Variants in HCRTR2 observed in about 807,000 individuals in gnomAD.
HCRTR2 encodes the protein orexin receptor type 2.
HCRTR2 carries 22 observed loss-of-function variants against 49.0 expected under a neutral mutation model. That is an observed-to-expected ratio of 0.45 (90% CI 0.32 to 0.64). The LOEUF (loss-of-function observed/expected upper bound fraction) is 0.64. HCRTR2 is among the 30% of genes least tolerant of loss of function. The pLI is 0.04. For synonymous variants in HCRTR2, 236 were observed against 205.3 expected (o/e 1.15, Z -1.28); for missense variants, 491 against 559.4 (o/e 0.88, Z 1.23).
intron 1 of HCRTR2, among the ~76,000 whole-genome samples, chr6:55,191,533 A>C (rs1164946225): frequency 6.6e-6 from 1 of 152,200 alleles, no homozygotes; most frequent in Non-Finnish European, 1.5e-5. Flanking sequence ...GTGTTTCACT[A>C]TACAAAAACA....
At chr6:55,223,174 C>A (rs1765930933) in intron 1 of HCRTR2, among the ~76,000 whole-genome samples, 1 of 152,092 alleles carries the variant, frequency 6.6e-6, no homozygotes, top group African/African-American at 2.4e-5. Flanking sequence ...GCCAGTTAAT[C>A]TCCTAAAATT....
chr6:55,239,438 G>C (rs1294876129), intron 1 of HCRTR2, among the ~76,000 whole-genome samples: 1 of 152,156 alleles, frequency 6.6e-6, no homozygotes, highest in East Asian at 1.9e-4. Context: ...TTTGATTTCT[G>C]TAGAGATAAT....
intron 1 of HCRTR2, among the ~76,000 whole-genome samples, chr6:55,182,190 CTG>C (rs1484835064): frequency 1.3e-5 from 2 of 152,204 alleles, no homozygotes; most frequent in Non-Finnish European, 2.9e-5. Context: ...AAGGTGGACT[CTG>C]TGGTAATCAG....
chr6:55,230,690 CAT>C (rs1177088950), intron 1 of HCRTR2, among the ~76,000 whole-genome samples: 1 of 151,902 alleles, frequency 6.6e-6, no homozygotes, highest in Non-Finnish European at 1.5e-5. Flanking sequence ...TGGATAATCA[CAT>C]TTTAAAACAT....
intron 1 of HCRTR2, among the ~76,000 whole-genome samples, chr6:55,241,315 C>T (rs1437469817): frequency 6.6e-6 from 1 of 152,028 alleles, no homozygotes; most frequent in Non-Finnish European, 1.5e-5. Context: ...AATAAATATA[C>T]TCAGTTCTAC....
At chr6:55,126,390 G>T (rs894691703) in intron 1 of HCRTR2, among the ~76,000 whole-genome samples, 4 of 152,172 alleles carry the variant, frequency 2.6e-5, no homozygotes, top group African/African-American at 4.8e-5. Context: ...TTTGCTGGAG[G>T]TCCACTCCTG....
In HCRTR2 at chr6:55,282,344, A is replaced by C; in HGVS notation, c.1225A>C (p.Thr409Pro). The change falls in exon 7 of 7, where the codon ACT (threonine) becomes CCT (proline). Residue 409 changes from threonine (T) to proline (P), a missense_variant. Coordinates refer to ENST00000370862, the MANE Select transcript of HCRTR2 (RefSeq NM_001384272.1). Reference protein sequence around the residue: ...TSTESRKSLTTQISNFDNISK... With the variant: ...TSTESRKSLTPQISNFDNISK... ...CACAGAGAGCCGGAAGTCCTTGACC[A>C]CTCAAATCAGCAACTTTGATAACAT... 6.2e-7 allele frequency: 1 copy of C among 1,613,524 alleles called. No homozygotes were observed. Among genetic ancestry groups the C allele is most frequent in the Non-Finnish European group, 8.5e-7 (1 of 1,179,674 alleles).
At chr6:55,274,239 G>GTATATATATATATATATATATATATATA (rs61667408) in intron 4 of HCRTR2, among the ~76,000 whole-genome samples, 24 of 119,500 alleles carry the variant, frequency 2.0e-4, no homozygotes, top group African/African-American at 7.0e-4. Flanking sequence ...ATCATTTTCA[G>GTATATATATATATATATATATATATATA]TATATATATA....
At chr6:55,167,608 T>C (rs950040272) in intron 1 of HCRTR2, among the ~76,000 whole-genome samples, 5 of 152,136 alleles carry the variant, frequency 3.3e-5, no homozygotes, top group African/African-American at 1.2e-4. Context: ...AAACCCAAGA[T>C]TGTAGAAAAC....
intron 1 of HCRTR2, among the ~76,000 whole-genome samples, chr6:55,234,605 C>T (rs1766179760): frequency 6.6e-6 from 1 of 152,128 alleles, no homozygotes; most frequent in Non-Finnish European, 1.5e-5. Flanking sequence ...TAATGTTCAA[C>T]TCCATTTTCT....
At chr6:55,127,064 C>G (rs923376459) in intron 1 of HCRTR2, among the ~76,000 whole-genome samples, 1 of 152,118 alleles carries the variant, frequency 6.6e-6, no homozygotes, top group African/African-American at 2.4e-5. Flanking sequence ...GTACCCCTTC[C>G]AGTGGGAGTG....
chr6:55,281,911 A>G (rs750111754), intron 6 of HCRTR2, among the ~76,000 whole-genome samples: 55 of 152,284 alleles, frequency 3.6e-4, no homozygotes, highest in African/African-American at 1.2e-3. Context: ...ACTGATGATC[A>G]CTTCCATTAT....
At chr6:55,147,302 A>G (rs986801745) in intron 1 of HCRTR2, among the ~76,000 whole-genome samples, 19 of 152,300 alleles carry the variant, frequency 1.2e-4, no homozygotes, top group African/African-American at 4.3e-4. Context: ...AAAAATAAAT[A>G]CTATGTTGTT....
intron 1 of HCRTR2, among the ~76,000 whole-genome samples, chr6:55,181,985 A>G (rs1221508854): frequency 1.3e-5 from 2 of 152,256 alleles, no homozygotes; most frequent in Non-Finnish European, 2.9e-5. Context: ...TTCAGTAGAC[A>G]GAAATCCATG....
intron 1 of HCRTR2, among the ~76,000 whole-genome samples, chr6:55,209,558 G>A (rs3134705): frequency 0.48 from 72,900 of 151,858 alleles, 18,439 homozygotes; most frequent in African/African-American, 0.64. Context: ...AGAGACTCGT[G>A]GGAGGCAGGG....
intron 1 of HCRTR2, among the ~76,000 whole-genome samples, chr6:55,136,095 G>T (rs1372467318): frequency 6.6e-6 from 1 of 152,172 alleles, no homozygotes; most frequent in East Asian, 1.9e-4. Flanking sequence ...AGGGAATAGG[G>T]TTTAACTATT....
At chr6:55,202,760 T>G (rs1765533216) in intron 1 of HCRTR2, among the ~76,000 whole-genome samples, 1 of 38,414 alleles carries the variant, frequency 2.6e-5, no homozygotes, top group East Asian at 3.2e-3. Flanking sequence ...TTTCAACAAA[T>G]GAAGCCGGGG....
chr6:55,244,873 G>A (rs184348770), intron 1 of HCRTR2, among the ~76,000 whole-genome samples: 14 of 151,960 alleles, frequency 9.2e-5, no homozygotes, highest in African/African-American at 7.2e-5. Context: ...TTGTTCTTCC[G>A]CATATGGCTA....
chr6:55,134,712 C>T (rs555922987), intron 1 of HCRTR2, among the ~76,000 whole-genome samples: 2 of 152,002 alleles, frequency 1.3e-5, no homozygotes, highest in South Asian at 2.1e-4. Flanking sequence ...ACTCCACATA[C>T]AGGCGACATC....
Sources: allele counts gnomAD v4.1 joint callset (sites outside exome capture counted in the v4.1 genomes callset), GRCh38; gene constraint gnomAD v4.1.1; transcripts MANE v1.5; gene names NCBI Gene and HGNC (gene_info 2026-07-23, HGNC 2026-07-21).